Variants in CDH12 observed in about 807,000 individuals in gnomAD.
CDH12 encodes cadherin-12.
CDH12 carries 41 observed loss-of-function variants against 74.1 expected under a neutral mutation model. The ratio of observed to expected loss-of-function variants is 0.55; its 90% CI spans 0.43 to 0.72. The LOEUF (loss-of-function observed/expected upper bound fraction) is 0.72. CDH12 is among the 30% of genes least tolerant of loss of function. The probability of loss-of-function intolerance (pLI) is 0.00; values close to 1 mark genes in which losing one functional copy is unlikely to be tolerated. For missense variants in CDH12, 945 were observed against 977.2 expected (o/e 0.97, Z 0.44); for synonymous variants, 399 against 355.0 (o/e 1.12, Z -1.39).
intron 11 of CDH12, among the ~76,000 whole-genome samples, chr5:21,774,660 T>A (rs1047518016): frequency 6.6e-6 from 1 of 152,160 alleles, no homozygotes; most frequent in African/African-American, 2.4e-5. Flanking sequence ...TACAAAATAG[T>A]TTTATATAGT....
chr5:22,700,138 G>A (rs1320383974), intron 1 of CDH12, among the ~76,000 whole-genome samples: 1 of 152,048 alleles, frequency 6.6e-6, no homozygotes, highest in African/African-American at 2.4e-5. Context: ...CTGCACTCCA[G>A]CCTGGGTGAA....
intron 3 of CDH12, among the ~76,000 whole-genome samples, chr5:22,319,113 T>C (rs1432761313): frequency 6.6e-6 from 1 of 152,180 alleles, no homozygotes; most frequent in Admixed American, 6.6e-5. Context: ...AAATCAGAGC[T>C]ACTTAGATTT....
At chr5:22,340,256 G>A (rs556513651) in intron 3 of CDH12, among the ~76,000 whole-genome samples, 38 of 152,268 alleles carry the variant, frequency 2.5e-4, no homozygotes, top group South Asian at 1.0e-3. Flanking sequence ...GCTGGGTGCC[G>A]TGGCTCACGC....
At chr5:21,823,859 G>A (rs1748509249) in intron 8 of CDH12, among the ~76,000 whole-genome samples, 1 of 152,008 alleles carries the variant, frequency 6.6e-6, no homozygotes, top group African/African-American at 2.4e-5. Context: ...ATCATAACAT[G>A]TAAGATATGA....
chr5:22,814,602 G>A (rs1026104561), intron 1 of CDH12, among the ~76,000 whole-genome samples: 1 of 151,948 alleles, frequency 6.6e-6, no homozygotes, highest in South Asian at 2.1e-4. Context: ...ATAACTTAGG[G>A]TGAATACAAT....
intron 3 of CDH12, among the ~76,000 whole-genome samples, chr5:22,388,467 T>C (rs950116201): frequency 3.9e-5 from 6 of 152,028 alleles, no homozygotes; most frequent in African/African-American, 9.7e-5. Context: ...ATCATAAAGA[T>C]TAAGAAAACA....
At chr5:21,945,795 A>G (rs1755552412) in intron 6 of CDH12, among the ~76,000 whole-genome samples, 1 of 152,020 alleles carries the variant, frequency 6.6e-6, no homozygotes, top group Non-Finnish European at 1.5e-5. Context: ...TTAGAACAAT[A>G]ATAAAAGAGC....
chr5:22,714,155 T>C (rs961280564), intron 1 of CDH12, among the ~76,000 whole-genome samples: 2 of 152,196 alleles, frequency 1.3e-5, no homozygotes, highest in African/African-American at 4.8e-5. Flanking sequence ...TCAAGCAAAA[T>C]TGCTTCTCCT....
chr5:22,832,630 A>G (rs1035916491), intron 1 of CDH12, among the ~76,000 whole-genome samples: 1 of 152,140 alleles, frequency 6.6e-6, no homozygotes, highest in Admixed American at 6.5e-5. Context: ...TAAAAGTTTA[A>G]ATCTAATTAT....
chr5:22,674,443 T>C (rs1289488016), intron 1 of CDH12, among the ~76,000 whole-genome samples: 1 of 152,206 alleles, frequency 6.6e-6, no homozygotes, highest in Non-Finnish European at 1.5e-5. Context: ...CCATTAAACC[T>C]CTTTCTTTTG....
rs201456748 is a variant in CDH12, at chr5:22,520,631, TG to T, written c.-522-15268del. On this transcript the variant is annotated intron_variant, in intron 1 of 14. Coordinates refer to ENST00000382254, the MANE Select transcript of CDH12 (RefSeq NM_004061.5). ...ATGAGAAACAGTCTGTGTATAAAGG[TG>T]TGGAGGAGCTCAACACATTAAGTCT... 6.6e-5 allele frequency among the ~76,000 whole-genome samples: 10 copies of T among 152,150 alleles called. No individual in the cohort carries two copies. The East Asian group carries it at 1.9e-3, about 29-fold the overall frequency.
chr5:22,224,958 C>G (rs1752144288), intron 3 of CDH12, among the ~76,000 whole-genome samples: 1 of 151,810 alleles, frequency 6.6e-6, no homozygotes, highest in South Asian at 2.1e-4. Flanking sequence ...CAGTTAAAAA[C>G]CTGTCAAATG....
chr5:22,485,333 C>A (rs1473092535), intron 2 of CDH12, among the ~76,000 whole-genome samples: 3 of 152,114 alleles, frequency 2.0e-5, no homozygotes, highest in Non-Finnish European at 2.9e-5. Flanking sequence ...AGGCACATGC[C>A]ACCATGCCCA....
At chr5:22,206,366 G>T (rs575997248) in intron 4 of CDH12, among the ~76,000 whole-genome samples, 2 of 152,200 alleles carry the variant, frequency 1.3e-5, no homozygotes, top group South Asian at 4.2e-4. Context: ...TGTCCAACTG[G>T]GGCTACATAA....
At chr5:21,993,141 C>T (rs1417351296) in intron 5 of CDH12, among the ~76,000 whole-genome samples, 6 of 152,130 alleles carry the variant, frequency 3.9e-5, no homozygotes, top group Admixed American at 1.3e-4. Flanking sequence ...ATGAGATTGG[C>T]GGGGGGTGGA....
chr5:21,818,303 A>C (rs925098738), intron 8 of CDH12, among the ~76,000 whole-genome samples: 12 of 151,936 alleles, frequency 7.9e-5, no homozygotes, highest in African/African-American at 2.9e-4. Flanking sequence ...AGTTACTATA[A>C]ATGTCTGTTG....
At chr5:22,028,217 C>G (rs950201969) in intron 5 of CDH12, among the ~76,000 whole-genome samples, 2 of 152,038 alleles carry the variant, frequency 1.3e-5, no homozygotes, top group African/African-American at 4.8e-5. Context: ...GGGATGCCCT[C>G]TCTCACCACT....
rs540932716 is a variant in CDH12 at position 21,980,511 on chromosome 5, T to C, written c.232-5126A>G. Reference sequence around the variant, plus strand: ...TGATTTCTGTGTCCTTTAAAATGACTTCTGATTTGTGAATTGTTCTCTGTG... The same window carrying C: ...TGATTTCTGTGTCCTTTAAAATGACCTCTGATTTGTGAATTGTTCTCTGTG... On this transcript the variant is annotated intron_variant, in intron 5 of 14. Transcript: ENST00000382254. Among the ~76,000 whole-genome samples, 531 of 152,268 alleles carry C rather than the reference T, an allele frequency of 3.5e-3. 7 individuals are homozygous for C. The highest frequency in any genetic ancestry group is 0.012 in the African/African-American group (500 of 41,562).
At chr5:21,922,955 T>TATATCTATATCC (rs1460469573) in intron 6 of CDH12, among the ~76,000 whole-genome samples, 1 of 146,650 alleles carries the variant, frequency 6.8e-6, no homozygotes, top group Non-Finnish European at 1.5e-5. Flanking sequence ...TATCTATATC[T>TATATCTATATCC]ATATCTATAT....
Sources: allele counts gnomAD v4.1 joint callset (sites outside exome capture counted in the v4.1 genomes callset), GRCh38; gene constraint gnomAD v4.1.1; transcripts MANE v1.5; gene names NCBI Gene and HGNC (gene_info 2026-07-23, HGNC 2026-07-21).